Variants in PIKFYVE observed in about 807,000 individuals in gnomAD.
The protein encoded by PIKFYVE is phosphoinositide kinase, FYVE-type zinc finger containing, also known as 1-phosphatidylinositol 3-phosphate 5-kinase.
In PIKFYVE, 122 loss-of-function variants were observed where a neutral mutation model predicts 257.9. The ratio of observed to expected loss-of-function variants is 0.47; its 90% confidence interval spans 0.41 to 0.55. The LOEUF is 0.55. Ranked by LOEUF, PIKFYVE falls within the 20% of genes least tolerant of loss-of-function variation. The probability of loss-of-function intolerance (pLI) is 0.00; values close to 1 mark genes in which losing one functional copy is unlikely to be tolerated. For synonymous variants in PIKFYVE, 892 were observed against 868.9 expected (o/e 1.03, Z -0.47); for missense variants, 2,160 against 2,536.6 (o/e 0.85, Z 3.19).
intron 16 of PIKFYVE, among the ~76,000 whole-genome samples, chr2:208,318,476 G>A (rs892786918): frequency 6.6e-6 from 1 of 152,162 alleles, no homozygotes; most frequent in Non-Finnish European, 1.5e-5. Flanking sequence ...GAGGAAGCAG[G>A]CAAGGGCTTT....
intron 33 of PIKFYVE, among the ~76,000 whole-genome samples, chr2:208,345,487 A>T (rs530549083): frequency 6.6e-6 from 1 of 152,250 alleles, no homozygotes; most frequent in African/African-American, 2.4e-5. Flanking sequence ...AAAAATAATA[A>T]CTTGTAAAAT....
At chr2:208,297,846 G>A (rs1693176960) in intron 7 of PIKFYVE, among the ~76,000 whole-genome samples, 1 of 149,528 alleles carries the variant, frequency 6.7e-6, no homozygotes, top group Admixed American at 6.6e-5. Flanking sequence ...TGATGCTATT[G>A]GTATTCCACT....
intron 10 of PIKFYVE, among the ~76,000 whole-genome samples, chr2:208,302,842 G>A (rs1283977004): frequency 3.9e-5 from 6 of 152,148 alleles, no homozygotes; most frequent in African/African-American, 7.2e-5. Flanking sequence ...CACTTTGGGA[G>A]GCTGAGGTGG....
chr2:208,335,275 T>G (rs1698005079), intron 24 of PIKFYVE, 31 bp from the exon 25 acceptor site: 1 of 1,433,582 alleles, frequency 7.0e-7, no homozygotes. Context: ...CTATTTTTCA[T>G]TTTCTATTGG....
In PIKFYVE at chr2:208,354,193, A is replaced by T. The variant is rs763870523; in HGVS notation, c.6106+34A>T. The T allele has an allele frequency of 2.7e-5, 43 of 1,603,846 alleles. No homozygotes were observed. In the Admixed American group the frequency reaches 3.5e-4, roughly 13 times the overall value. On this transcript the variant is annotated intron_variant, in intron 40 of 41. Coordinates refer to ENST00000264380, the MANE Select transcript of PIKFYVE (RefSeq NM_015040.4). ...ATGAGTACCCTGCTTATATTTCATG[A>T]TTGAAGTCAGAGTCAAATTTTAAAG... is the stretch of plus-strand genomic sequence containing the variant.
At chr2:208,305,070 ATCTCATGCC>A in intron 12 of PIKFYVE, 57 bp downstream of exon 12, 1 of 1,608,760 alleles carries the variant, frequency 6.2e-7, no homozygotes, top group South Asian at 1.1e-5. Flanking sequence ...GGGCCATAGG[ATCTCATGCC>A]AGCCTGTCCT....
intron 15 of PIKFYVE, among the ~76,000 whole-genome samples, chr2:208,316,004 A>T (rs1695472335): frequency 6.7e-6 from 1 of 148,824 alleles, no homozygotes; most frequent in South Asian, 2.2e-4. Flanking sequence ...TAGGTATATC[A>T]CCTAATGCTA....
chr2:208,324,945 G>GT lies in PIKFYVE; in HGVS notation c.2367dup (p.Asp790Ter). 6.2e-7 allele frequency: 1 copy of GT among 1,614,020 alleles called. No individual in the cohort carries two copies. The highest frequency in any genetic ancestry group is 8.5e-7 in the Non-Finnish European group (1 of 1,179,936). ...GAACGAATCAGTCGAATGACCCAAG[G>GT]TGATTTAGTGATGTCAATGGACCAG... On this transcript the variant is annotated frameshift_variant, in exon 19 of 42. Coordinates refer to ENST00000264380, the MANE Select transcript of PIKFYVE (RefSeq NM_015040.4). LOFTEE classifies it high-confidence loss of function.
intron 35 of PIKFYVE, among the ~76,000 whole-genome samples, chr2:208,348,598 A>AAG (rs1699454790): frequency 1.6e-5 from 1 of 64,048 alleles, no homozygotes; most frequent in South Asian, 5.7e-4. Flanking sequence ...AAAAAAAAAA[A>AAG]AGTGTGTGTG....
rs773082874 is a variant in PIKFYVE at position 208,350,758 on chromosome 2, CTGT to C, written c.5435-8_5435-6del. The C allele has an allele frequency of 2.5e-6, 4 of 1,613,764 alleles. No homozygotes were observed. The African/African-American group carries it at 4.0e-5, about 16-fold the overall frequency. Reference sequence around the variant, plus strand: ...GTCATAAAGCTTTTTAAAAAAACTTCTGTTGTTTATAGAATTTTCAGATGCTAA... The same window carrying C: ...GTCATAAAGCTTTTTAAAAAAACTTCTGTTTATAGAATTTTCAGATGCTAA... On this transcript the variant is annotated splice_polypyrimidine_tract_variant and intron_variant, in intron 36 of 41. Transcript: ENST00000264380.
At chr2:208,329,685 T>C (rs909495112) in intron 21 of PIKFYVE, among the ~76,000 whole-genome samples, 157 bp from the exon 22 acceptor site, 4 of 152,228 alleles carry the variant, frequency 2.6e-5, no homozygotes, top group African/African-American at 7.2e-5. Flanking sequence ...TAAACTTGTT[T>C]TATTAAAACC....
In PIKFYVE at chr2:208,333,312, C is replaced by T. The variant is rs759687535; in HGVS notation, c.3964-3C>T. 1 of 1,613,258 alleles carries T rather than the reference C, an allele frequency of 6.2e-7. No individual in the cohort carries two copies. The highest frequency in any genetic ancestry group is 1.1e-5 in the South Asian group (1 of 90,952). ...TAGGTAAACTATTTTTGCTGAATTC[C>T]AGGTAACACCAGTTGTTGCTCTTTC... On this transcript the variant is annotated splice_polypyrimidine_tract_variant and splice_region_variant and intron_variant, in intron 23 of 41. Transcript: ENST00000264380.
chr2:208,274,145 A>C (rs542285641), intron 3 of PIKFYVE: 1 of 1,371,914 alleles, frequency 7.3e-7, no homozygotes. Flanking sequence ...AACTCTGTCA[A>C]CTCCATTATT....
rs879673223 is a variant in PIKFYVE, at chr2:208,318,319, C to T, written c.2082+378C>T. Among the ~76,000 whole-genome samples the T allele has an allele frequency of 6.6e-5, 10 of 152,270 alleles. No homozygotes were observed. The South Asian group carries it at 1.0e-3, about 16-fold the overall frequency. On this transcript the variant is annotated intron_variant, in intron 16 of 41. Coordinates refer to ENST00000264380, the MANE Select transcript of PIKFYVE (RefSeq NM_015040.4). ...TAAAACTGATAGCTCTTCTAGTGCT[C>T]GGCTACAGAACTGTCAGTCTTCTTC...
chr2:208,305,268 T>C, intron 12 of PIKFYVE: 1 of 1,345,692 alleles, frequency 7.4e-7, no homozygotes, highest in Non-Finnish European at 9.6e-7. Flanking sequence ...AGGAACTACA[T>C]CTGACTGCTC....
intron 7 of PIKFYVE, among the ~76,000 whole-genome samples, chr2:208,294,232 T>C (rs533981609): frequency 2.0e-5 from 3 of 152,338 alleles, no homozygotes; most frequent in South Asian, 4.1e-4. Context: ...TTTAATGTTA[T>C]GGTGTTTTTG....
At chr2:208,327,576 T>G (rs553924387) in intron 20 of PIKFYVE, among the ~76,000 whole-genome samples, 1 of 152,292 alleles carries the variant, frequency 6.6e-6, no homozygotes, top group South Asian at 2.1e-4. Context: ...TGTTTGTACT[T>G]AGGAAGTGAT....
At chr2:208,288,319 C>T (rs1298781578) in intron 6 of PIKFYVE, among the ~76,000 whole-genome samples, 1 of 152,020 alleles carries the variant, frequency 6.6e-6, no homozygotes, top group Non-Finnish European at 1.5e-5. Flanking sequence ...AGTAAGAGGT[C>T]GAGCCTGCAC....
Position 208,328,200 on chromosome 2 carries a change from T to G in PIKFYVE, c.3639T>G (p.Ile1213Met). The change falls in exon 21 of 42, where the codon ATT (isoleucine) becomes ATG (methionine). Residue 1213 changes from isoleucine (I) to methionine (M), a missense_variant. This residue lies in a region of PIKFYVE where 522 missense variants were observed against 514.6 expected (regional missense o/e 1.01). Coordinates refer to ENST00000264380, the MANE Select transcript of PIKFYVE (RefSeq NM_015040.4). The stretch of plus-strand genomic sequence containing the variant: ...TTCAGGTGGACTGTCTGAATCCCAT[T>G]AATCACCAGAGACTTTGTGTGCTCT... ...WSTKVDCLNPINHQRLCVLFS... is the reference protein window; with the variant it reads ...WSTKVDCLNPMNHQRLCVLFS... 1 of 1,613,902 alleles carries G rather than the reference T, an allele frequency of 6.2e-7. No homozygotes were observed. Among genetic ancestry groups the G allele is most frequent in the Non-Finnish European group, 8.5e-7 (1 of 1,179,838 alleles).
Sources: gnomAD v4.1 joint callset for allele counts (sites outside exome capture counted in the v4.1 genomes callset) on GRCh38, gnomAD v4.1.1 for gene constraint, gnomAD v4.1.1 regional missense constraint, MANE v1.5 for transcripts, NCBI Gene and HGNC (gene_info 2026-07-23, HGNC 2026-07-21) for gene names.